ANO3: variants seen among roughly 807,000 people sequenced by gnomAD.
ANO3 encodes the protein anoctamin 3.
ANO3 carries 99 observed loss-of-function variants against 144.8 expected under a neutral mutation model. That is an observed-to-expected ratio of 0.68 (90% CI 0.58 to 0.81). ANO3 has a LOEUF of 0.81. ANO3 is among the 30% of genes least tolerant of loss of function. The pLI, the probability that ANO3 is intolerant of heterozygous loss-of-function variation, is 0.00. For synonymous variants in ANO3, 414 were observed against 392.6 expected, an observed-to-expected ratio of 1.05 and a Z score of -0.64; for missense variants, 905 against 1,202.2, an observed-to-expected ratio of 0.75 and a Z score of 3.66.
intron 1 of ANO3, among the ~76,000 whole-genome samples, chr11:26,235,012 G>GAGAGAGAGAGAGAGAGAGAGAGAA (rs771922780): frequency 1.1e-4 from 16 of 151,794 alleles, no homozygotes; most frequent in Non-Finnish European, 1.8e-4. Context: ...AAGAGAGAGA[G>GAGAGAGAGAGAGAGAGAGAGAGAA]AGAGAGAGAG....
intron 4 of ANO3, among the ~76,000 whole-genome samples, chr11:26,507,308 C>T (rs1434767020): frequency 2.0e-5 from 3 of 152,122 alleles, no homozygotes; most frequent in Non-Finnish European, 4.4e-5. Flanking sequence ...TTCCCATGGC[C>T]TGGACTGGGT....
chr11:26,576,375 TATA>T (rs1309380971), intron 14 of ANO3, among the ~76,000 whole-genome samples: 4 of 152,122 alleles, frequency 2.6e-5, no homozygotes, highest in African/African-American at 9.7e-5. Context: ...TAATTATAAA[TATA>T]ATAATTTTTT....
chr11:26,565,987 G>A (rs1357490497), intron 14 of ANO3: 2 of 1,239,412 alleles, frequency 1.6e-6, no homozygotes, highest in Non-Finnish European at 2.2e-6. Flanking sequence ...TAAAAATCTA[G>A]ACATAATATA....
chr11:26,189,340 C>G, intron 1 of ANO3: 1 of 984,542 alleles, frequency 1.0e-6, no homozygotes, highest in Non-Finnish European at 1.2e-6. Flanking sequence ...GGTAAGCTAA[C>G]CTTTAGATTG....
chr11:26,344,612 G>A (rs933941715), intron 1 of ANO3, among the ~76,000 whole-genome samples: 3 of 151,908 alleles, frequency 2.0e-5, no homozygotes, highest in Admixed American at 6.6e-5. Context: ...TGATCCGCCC[G>A]CCTCGGTCTC....
upstream of ANO3, among the ~76,000 whole-genome samples, chr11:26,306,125 ATTTTTTTTT>A (rs57674074): frequency 8.8e-6 from 1 of 113,024 alleles, no homozygotes; most frequent in African/African-American, 3.2e-5. Context: ...AGCCCGGATA[ATTTTTTTTT>A]TTTTTTTTTT....
intron 1 of ANO3, among the ~76,000 whole-genome samples, chr11:26,405,295 T>C (rs1422739390): frequency 4.0e-5 from 6 of 151,824 alleles, no homozygotes; most frequent in Non-Finnish European, 5.9e-5. Flanking sequence ...TTGGATATCA[T>C]AGTATTTCCT....
At chr11:26,538,738 T>C (rs1242122772) in intron 10 of ANO3, among the ~76,000 whole-genome samples, 1 of 152,140 alleles carries the variant, frequency 6.6e-6, no homozygotes, top group Non-Finnish European at 1.5e-5. Context: ...CACATGTGCT[T>C]GTAATTTGGA....
At chr11:26,507,030 A>C (rs1005490652) in intron 4 of ANO3, among the ~76,000 whole-genome samples, 5 of 152,210 alleles carry the variant, frequency 3.3e-5, no homozygotes, top group African/African-American at 1.2e-4. Context: ...ACAGATGTCC[A>C]AATAGTTTGA....
intron 1 of ANO3, among the ~76,000 whole-genome samples, chr11:26,344,504 T>G (rs1855450727): frequency 6.6e-6 from 1 of 151,890 alleles, no homozygotes; most frequent in Non-Finnish European, 1.5e-5. Flanking sequence ...TAGCTGGGAC[T>G]ACAGGCGCCT....
At chr11:26,441,777 G>GA in intron 1 of ANO3, 141 bp from the exon 2 acceptor site, 2 of 601,834 alleles carry the variant, frequency 3.3e-6, no homozygotes, top group Non-Finnish European at 5.7e-6. Flanking sequence ...ACATAAACAA[G>GA]ACTAACTCAA....
chr11:26,449,031 C>G lies in ANO3; in HGVS notation c.313+5195C>G, dbSNP rs147886282. On this transcript the variant is annotated intron_variant, in intron 3 of 26. Transcript: ENST00000256737. ...TCTGTGCTCCTGTCTCTCCAGGTTTCCCATTACATTTAAAACACAAACTCA... is the reference window on the plus strand; with the variant it reads ...TCTGTGCTCCTGTCTCTCCAGGTTTGCCATTACATTTAAAACACAAACTCA... Among the ~76,000 whole-genome samples, 713 of 152,252 alleles carry G rather than the reference C, an allele frequency of 4.7e-3. 5 individuals carry two copies. Among genetic ancestry groups the G allele is most frequent in the Non-Finnish European group, 7.6e-3 (517 of 68,010 alleles).
intron 14 of ANO3, among the ~76,000 whole-genome samples, chr11:26,569,238 C>T (rs1850721857): frequency 2.0e-5 from 3 of 152,088 alleles, no homozygotes; most frequent in Admixed American, 2.0e-4. Flanking sequence ...GTATCAACAC[C>T]CCCAAACGTG....
chr11:26,372,256 G>A (rs1434640214), intron 1 of ANO3, among the ~76,000 whole-genome samples: 1 of 152,158 alleles, frequency 6.6e-6, no homozygotes, highest in East Asian at 1.9e-4. Flanking sequence ...CTGCTGCTAT[G>A]TGAAGAAGGA....
rs1313898905 is a variant in ANO3, at chr11:26,460,003, T to C, written c.314-3027T>C. The C allele has an allele frequency of 1.0e-5, 4 of 383,858 alleles. No homozygotes were observed. The East Asian group carries it at 2.5e-4, about 24-fold the overall frequency. The allele number at this position is 383,858 out of a possible 1,614,324, so 23.8% of individuals were successfully genotyped here. ...CTGTTTTGCTCTTAAAACATGTTGATGGATGCGCCTCCATGATCCAAACAC... is the reference window on the plus strand; with the variant it reads ...CTGTTTTGCTCTTAAAACATGTTGACGGATGCGCCTCCATGATCCAAACAC... On this transcript the variant is annotated intron_variant, in intron 3 of 26. Coordinates refer to ENST00000256737, the MANE Select transcript of ANO3 (RefSeq NM_031418.4).
chr11:26,660,221 A>G (rs1156335893), intron 26 of ANO3, 41 bp from the exon 27 acceptor site: 1 of 1,578,660 alleles, frequency 6.3e-7, no homozygotes, highest in African/African-American at 1.4e-5. Context: ...TTAGCATTTC[A>G]GAATCTTTGA....
At chr11:26,251,528 A>C (rs1315914211) in intron 1 of ANO3, among the ~76,000 whole-genome samples, 1 of 152,232 alleles carries the variant, frequency 6.6e-6, no homozygotes, top group Non-Finnish European at 1.5e-5. Flanking sequence ...TTAATGAGAT[A>C]ATCTGTTTCT....
chr11:26,517,010 A>AC lies in ANO3; in HGVS notation c.692+87dup, dbSNP rs959778999. The AC allele has an allele frequency of 1.6e-5, 11 of 670,286 alleles. No homozygotes were observed. In the Admixed American group the frequency reaches 3.4e-4, roughly 21 times the overall value. The allele number at this position is 670,286 out of a possible 1,614,324, so 41.5% of individuals were successfully genotyped here. ...GCATCACCTTAGAGCAACAAATGCA[A>AC]CCCCTTCTACAGAGAAAATGCTTTT... On this transcript the variant is annotated intron_variant, in intron 6 of 26. Coordinates refer to ENST00000256737, the MANE Select transcript of ANO3 (RefSeq NM_031418.4).
At chr11:26,346,895 T>G (rs1855510249) in intron 1 of ANO3, among the ~76,000 whole-genome samples, 1 of 152,154 alleles carries the variant, frequency 6.6e-6, no homozygotes, top group Non-Finnish European at 1.5e-5. Flanking sequence ...GCTCTAGTGG[T>G]CAAGGAGACA....
Sources: gnomAD v4.1 joint callset for allele counts (sites outside exome capture counted in the v4.1 genomes callset) on GRCh38, gnomAD v4.1.1 for gene constraint, MANE v1.5 for transcripts, NCBI Gene and HGNC (gene_info 2026-07-23, HGNC 2026-07-21) for gene names.